The following PADI4 variants were observed in gnomAD, a reference collection of about 807,000 sequenced individuals.
The protein encoded by PADI4 is peptidyl arginine deiminase 4.
PADI4 carries 62 observed loss-of-function variants against 75.0 expected under a neutral mutation model. That is an observed-to-expected ratio of 0.83 (90% CI 0.67 to 1.02). The LOEUF is 1.02. Ranked by LOEUF, PADI4 falls within the 50% of genes least tolerant of loss-of-function variation. PADI4 has a pLI of 0.00. For synonymous variants in PADI4, 361 were observed against 348.1 expected (o/e 1.04, Z -0.41); for missense variants, 845 against 850.5 (o/e 0.99, Z 0.08).
At chr1:17,357,496 A>G (rs2074780214) in intron 13 of PADI4, among the ~76,000 whole-genome samples, 2 of 152,284 alleles carry the variant, frequency 1.3e-5, no homozygotes, top group South Asian at 4.1e-4. Flanking sequence ...ATTGACAGCA[A>G]CTAAATGGTA....
chr1:17,348,097 C>G (rs770015726), intron 10 of PADI4, 49 bp downstream of exon 10: 3 of 1,180,554 alleles, frequency 2.5e-6, no homozygotes, highest in Non-Finnish European at 3.8e-6. Context: ...ACCCTCTTGT[C>G]TTGAGACTCC....
intron 6 of PADI4, among the ~76,000 whole-genome samples, chr1:17,340,266 C>G (rs920539676): frequency 6.6e-6 from 1 of 152,162 alleles, no homozygotes; most frequent in Non-Finnish European, 1.5e-5. Context: ...TCCCTGCCCT[C>G]GTGTTGCTTT....
intron 1 of PADI4, among the ~76,000 whole-genome samples, chr1:17,317,653 C>T (rs766782833): frequency 7.9e-5 from 12 of 152,160 alleles, no homozygotes; most frequent in Non-Finnish European, 1.6e-4. Context: ...ATTCAGCAAA[C>T]TCGTATTAGC....
intron 10 of PADI4, among the ~76,000 whole-genome samples, chr1:17,351,323 G>A (rs1381208811): frequency 6.6e-6 from 1 of 151,076 alleles, no homozygotes; most frequent in Admixed American, 6.6e-5. Context: ...GAGTCTGGTG[G>A]CTCATTCCAG....
At chr1:17,308,368 C>A in intron 1 of PADI4, 54 bp downstream of exon 1, 2 of 1,355,540 alleles carry the variant, frequency 1.5e-6, no homozygotes, top group Non-Finnish European at 2.1e-6. Flanking sequence ...TGCTGGATGA[C>A]CCAGTTCTAC....
chr1:17,308,750 G>T (rs372131666), intron 1 of PADI4, among the ~76,000 whole-genome samples: 1 of 127,120 alleles, frequency 7.9e-6, no homozygotes, highest in East Asian at 2.4e-4. Flanking sequence ...GCATAATAGC[G>T]TGGGTGGGGA....
intron 10 of PADI4, among the ~76,000 whole-genome samples, chr1:17,352,210 A>G (rs2074672382): frequency 1.8e-5 from 2 of 113,520 alleles, no homozygotes; most frequent in Admixed American, 1.7e-4. Flanking sequence ...GGGAGGTGGT[A>G]AGAGGGGTGG....
chr1:17,345,728 C>T (rs2074503244), intron 8 of PADI4, among the ~76,000 whole-genome samples: 1 of 152,220 alleles, frequency 6.6e-6, no homozygotes, highest in Non-Finnish European at 1.5e-5. Flanking sequence ...GCCTCCCCAG[C>T]CATGTGGAAC....
intron 6 of PADI4, among the ~76,000 whole-genome samples, chr1:17,341,285 G>T (rs1044980928): frequency 6.6e-6 from 1 of 152,080 alleles, no homozygotes; most frequent in Non-Finnish European, 1.5e-5. Context: ...GTTTTTAGTA[G>T]AGATGGGCTT....
At chr1:17,329,548 G>A (rs1323087654) in intron 1 of PADI4, among the ~76,000 whole-genome samples, 2 of 152,110 alleles carry the variant, frequency 1.3e-5, no homozygotes, top group Non-Finnish European at 2.9e-5. Context: ...AGTGGAAGTG[G>A]ATCATCATAA....
chr1:17,363,796 C>T lies in PADI4; in HGVS notation c.*41C>T, dbSNP rs201352794. 4.1e-5 allele frequency: 58 copies of T among 1,415,484 alleles called. No homozygotes were observed. The highest frequency in any genetic ancestry group is 4.9e-5 in the Non-Finnish European group (49 of 1,002,500). 87.7% of individuals were successfully genotyped at this position (1,415,484 alleles called of 1,614,324 possible). ...CGTCCTCTCCCTCCTGGCCAGATGT[C>T]GCTGGGTCCTCTGCAGTGTGGCAAG... On this transcript the variant is annotated 3_prime_UTR_variant, in exon 16 of 16. Transcript: ENST00000375448.
At chr1:17,314,154 C>T (rs902444113) in intron 1 of PADI4, among the ~76,000 whole-genome samples, 2 of 152,190 alleles carry the variant, frequency 1.3e-5, no homozygotes, top group African/African-American at 4.8e-5. Flanking sequence ...GACCTAGCCC[C>T]TCGGTCCACC....
At chr1:17,319,713 T>G (rs1296037295) in intron 1 of PADI4, among the ~76,000 whole-genome samples, 1 of 152,130 alleles carries the variant, frequency 6.6e-6, no homozygotes, top group African/African-American at 2.4e-5. Context: ...TGAACAATAT[T>G]TACGGACAGA....
intron 13 of PADI4, among the ~76,000 whole-genome samples, chr1:17,357,597 T>C (rs2074781716): frequency 2.6e-5 from 4 of 152,196 alleles, no homozygotes; most frequent in Admixed American, 2.6e-4. Flanking sequence ...ATTTTTAATG[T>C]TGTCTGTTTT....
At chr1:17,353,935 C>T (rs1266122048) in intron 10 of PADI4, among the ~76,000 whole-genome samples, 1 of 152,140 alleles carries the variant, frequency 6.6e-6, no homozygotes, top group African/African-American at 2.4e-5. Flanking sequence ...TTCTGGCCTC[C>T]AGAATTTTAA....
intron 11 of PADI4, 75 bp downstream of exon 11, chr1:17,354,762 C>G: frequency 7.3e-7 from 1 of 1,364,824 alleles, no homozygotes; most frequent in Non-Finnish European, 9.9e-7. Context: ...AGAGTGGAAG[C>G]CTTGCCTTCC....
intron 6 of PADI4, among the ~76,000 whole-genome samples, chr1:17,340,043 C>G (rs1174712837): frequency 1.2e-5 from 1 of 83,358 alleles, no homozygotes; most frequent in Non-Finnish European, 2.7e-5. Flanking sequence ...CTCTCTCACA[C>G]ACGCGCGCGC....
chr1:17,352,214 GGGGTGGTCAGGGAA>G (rs2074673074), intron 10 of PADI4, among the ~76,000 whole-genome samples: 1 of 114,444 alleles, frequency 8.7e-6, no homozygotes, highest in Non-Finnish European at 2.0e-5. Context: ...GGTGGTAAGA[GGGGTGGTCAGGGAA>G]GAGATGGGAG....
At chr1:17,321,883 G>C (rs1189391724) in intron 1 of PADI4, among the ~76,000 whole-genome samples, 1 of 152,228 alleles carries the variant, frequency 6.6e-6, no homozygotes, top group Admixed American at 6.5e-5. Context: ...AGAAAGGGCG[G>C]ATAATGGAAG....
Sources: allele counts gnomAD v4.1 joint callset (sites outside exome capture counted in the v4.1 genomes callset), GRCh38; gene constraint gnomAD v4.1.1; transcripts MANE v1.5; gene names NCBI Gene and HGNC (gene_info 2026-07-23, HGNC 2026-07-21).